Variants in HECW2 observed in about 807,000 individuals in gnomAD.
The protein encoded by HECW2 is E3 ubiquitin-protein ligase HECW2.
Under a neutral mutation model 175.2 loss-of-function variants are expected in HECW2, and 61 were observed. The ratio of observed to expected loss-of-function variants is 0.35; its 90% CI spans 0.28 to 0.43. HECW2 has a LOEUF of 0.43. Among genes scored for constraint, HECW2 ranks in the 20% least tolerant of loss-of-function variants. The probability of loss-of-function intolerance (pLI) is 1.00; values close to 1 mark genes in which losing one functional copy is unlikely to be tolerated. For missense variants in HECW2, 1,524 were observed against 2,000.5 expected (o/e 0.76, Z 4.54); for synonymous variants, 671 against 731.0 (o/e 0.92, Z 1.32).
At chr2:196,209,613 C>T (rs573003441) in intron 28 of HECW2, among the ~76,000 whole-genome samples, 2 of 152,166 alleles carry the variant, frequency 1.3e-5, no homozygotes, top group South Asian at 4.1e-4. Context: ...TCAATTCTCT[C>T]CCACACGAAA....
chr2:196,257,650 C>A (rs549537521), intron 18 of HECW2, 173 bp downstream of exon 18: 1 of 588,176 alleles, frequency 1.7e-6, no homozygotes, highest in South Asian at 2.1e-5. Flanking sequence ...CAAATGGCAA[C>A]GTGAAGTGAA....
chr2:196,276,522 T>C (rs991895510), intron 15 of HECW2, among the ~76,000 whole-genome samples: 1 of 152,182 alleles, frequency 6.6e-6, no homozygotes, highest in African/African-American at 2.4e-5. Flanking sequence ...TGTGAAGTCA[T>C]GATAAGGTGA....
At chr2:196,237,757 A>T (rs1688306866) in intron 21 of HECW2, among the ~76,000 whole-genome samples, 2 of 152,124 alleles carry the variant, frequency 1.3e-5, no homozygotes. Context: ...TGTTGCTCAA[A>T]TTATCTCAGC....
At chr2:196,506,323 G>C (rs1230716024) in intron 1 of HECW2, among the ~76,000 whole-genome samples, 2 of 152,128 alleles carry the variant, frequency 1.3e-5, no homozygotes, top group African/African-American at 4.8e-5. Context: ...AAACAAATCA[G>C]ACAAGATATG....
intron 16 of HECW2, among the ~76,000 whole-genome samples, chr2:196,273,602 T>A (rs993409799): frequency 1.1e-4 from 16 of 152,194 alleles, no homozygotes; most frequent in African/African-American, 3.9e-4. Flanking sequence ...AAGAATGTGC[T>A]CTCTTTGATT....
chr2:196,395,319 A>T (rs1421270960), intron 2 of HECW2, among the ~76,000 whole-genome samples: 1 of 152,040 alleles, frequency 6.6e-6, no homozygotes, highest in African/African-American at 2.4e-5. Flanking sequence ...CTTGAATATG[A>T]CACCAAAAAC....
chr2:196,483,353 C>T (rs1686905741), intron 1 of HECW2, among the ~76,000 whole-genome samples: 1 of 152,136 alleles, frequency 6.6e-6, no homozygotes, highest in Non-Finnish European at 1.5e-5. Context: ...AGAATGAAGA[C>T]TGCTCACTGA....
intron 1 of HECW2, among the ~76,000 whole-genome samples, chr2:196,590,850 C>A (rs1691165221): frequency 6.6e-6 from 1 of 152,206 alleles, no homozygotes; most frequent in Admixed American, 6.5e-5. Context: ...GTTTTTCTCC[C>A]AAGATCACAT....
chr2:196,284,305 T>C (rs972259951), intron 14 of HECW2, among the ~76,000 whole-genome samples: 3 of 152,226 alleles, frequency 2.0e-5, no homozygotes, highest in Admixed American at 2.0e-4. Context: ...TAGGTCCTAT[T>C]TGTATCCCAC....
chr2:196,547,874 G>A (rs983661446), intron 1 of HECW2, among the ~76,000 whole-genome samples: 1 of 152,156 alleles, frequency 6.6e-6, no homozygotes, highest in South Asian at 2.1e-4. Flanking sequence ...CTCTATACCA[G>A]CAACTGAGGG....
rs763987891 is a variant in HECW2 at position 196,222,310 on chromosome 2, A to C, written c.4047T>G (p.Leu1349=). The change falls in exon 24 of 29, where the codon CTT becomes CTG. Residue 1349 remains leucine, a synonymous_variant. Coordinates refer to ENST00000644978, the MANE Select transcript of HECW2 (RefSeq NM_001348768.2). ...ILCDLSDLEY[L]DEEFHQSLQW... is the part of the protein sequence containing the mutation. Reference sequence around the variant, plus strand: ...GCAGGCTCTGATGGAACTCTTCATCAAGGTATTCTAGGTCACTCAGGTCAC... The same window carrying C: ...GCAGGCTCTGATGGAACTCTTCATCCAGGTATTCTAGGTCACTCAGGTCAC... The C allele has an allele frequency of 1.2e-6, 2 of 1,613,782 alleles. No individual in the cohort carries two copies. Among genetic ancestry groups the C allele is most frequent in the Admixed American group, 3.3e-5 (2 of 59,992 alleles).
At chr2:196,321,003 T>C (rs1320563454) in intron 7 of HECW2, among the ~76,000 whole-genome samples, 2 of 152,230 alleles carry the variant, frequency 1.3e-5, no homozygotes, top group Non-Finnish European at 2.9e-5. Context: ...GCGCCCTTCA[T>C]AGCCAAGACA....
In HECW2 at chr2:196,502,065, C is replaced by G. The variant is rs575075681; in HGVS notation, c.-35-68607G>C. Among the ~76,000 whole-genome samples the G allele has an allele frequency of 2.6e-5, 4 of 152,326 alleles. 1 individual carries two copies. In the South Asian group the frequency reaches 8.3e-4, roughly 32 times the overall value. ...ATGAAAACTTGGACTTTCCCTGAAT[C>G]CAGCTCACGTAGTTTTGTTTATTTT... is the stretch of plus-strand genomic sequence containing the variant. On this transcript the variant is annotated intron_variant, in intron 1 of 28. Coordinates refer to ENST00000644978, the MANE Select transcript of HECW2 (RefSeq NM_001348768.2).
chr2:196,291,543 A>T (rs2106027714), intron 14 of HECW2: 1 of 152,286 alleles, frequency 6.6e-6, no homozygotes, highest in African/African-American at 2.4e-5. Context: ...AATACTTTAA[A>T]TATGTCATTT....
At chr2:196,391,317 A>G (rs1471291007) in intron 2 of HECW2, among the ~76,000 whole-genome samples, 1 of 151,972 alleles carries the variant, frequency 6.6e-6, no homozygotes, top group Non-Finnish European at 1.5e-5. Flanking sequence ...GTAATGTATC[A>G]CCCCTATGAT....
chr2:196,566,281 C>CA (rs34450556), intron 1 of HECW2, among the ~76,000 whole-genome samples: 22 of 136,214 alleles, frequency 1.6e-4, no homozygotes, highest in Middle Eastern at 3.6e-3. Context: ...CAAAAATAAG[C>CA]AAAAAAAAAA....
At chr2:196,206,302 T>G (rs1314438874) in intron 28 of HECW2, among the ~76,000 whole-genome samples, 1 of 152,236 alleles carries the variant, frequency 6.6e-6, no homozygotes, top group Non-Finnish European at 1.5e-5. Context: ...GCATCAATAT[T>G]AAGAAGATTT....
At chr2:196,404,787 G>A (rs73988196) in intron 2 of HECW2, among the ~76,000 whole-genome samples, 2,081 of 146,498 alleles carry the variant, frequency 0.014, 61 homozygotes, top group African/African-American at 0.049. Context: ...TCATCCTGTT[G>A]GTAATATTTC....
At chr2:196,476,699 A>G (rs190412125) in intron 1 of HECW2, among the ~76,000 whole-genome samples, 10 of 152,204 alleles carry the variant, frequency 6.6e-5, no homozygotes, top group African/African-American at 1.9e-4. Flanking sequence ...ATTTTGTCCA[A>G]AGCTCTCACT....
Sources: gnomAD v4.1 joint callset for allele counts (sites outside exome capture counted in the v4.1 genomes callset) on GRCh38, gnomAD v4.1.1 for gene constraint, MANE v1.5 for transcripts, NCBI Gene and HGNC (gene_info 2026-07-23, HGNC 2026-07-21) for gene names.